Variants in CAMKMT observed in about 807,000 individuals in gnomAD.
CAMKMT encodes the protein CaM KMT.
A neutral mutation model predicts 48.0 loss-of-function variants in CAMKMT; 53 were observed. That is an observed-to-expected ratio of 1.10 (90% CI 0.89 to 1.39). The LOEUF (loss-of-function observed/expected upper bound fraction) is 1.39. CAMKMT is among the 40% of genes most tolerant of loss of function. The pLI, the probability that CAMKMT is intolerant of heterozygous loss-of-function variation, is 0.00. For missense variants in CAMKMT, 428 were observed against 402.7 expected (o/e 1.06, Z -0.54); for synonymous variants, 165 against 152.3 (o/e 1.08, Z -0.61).
At chr2:44,433,874 A>C (rs1280856052) in intron 3 of CAMKMT, among the ~76,000 whole-genome samples, 4 of 152,122 alleles carry the variant, frequency 2.6e-5, no homozygotes, top group African/African-American at 9.7e-5. Context: ...GGATCTCACC[A>C]TGCCCTTTTA....
chr2:44,538,958 CTGTGTGTGTGTGTGTGTGTGTGTG>C (rs57970764), intron 3 of CAMKMT, among the ~76,000 whole-genome samples: 1 of 140,130 alleles, frequency 7.1e-6, no homozygotes, highest in Non-Finnish European at 1.5e-5. Context: ...GTGTGTGTGT[CTGTGTGTGTGTGTGTGTGTGTGTG>C]TGTGTGTGTG....
intron 8 of CAMKMT, among the ~76,000 whole-genome samples, chr2:44,753,577 A>G (rs1363988638): frequency 1.3e-5 from 2 of 152,166 alleles, no homozygotes; most frequent in East Asian, 3.8e-4. Flanking sequence ...ATCTAACCTC[A>G]GTGCTGTTTC....
intron 3 of CAMKMT, among the ~76,000 whole-genome samples, chr2:44,667,117 G>A (rs17032502): frequency 0.027 from 4,038 of 152,256 alleles, 182 homozygotes; most frequent in African/African-American, 0.092. Flanking sequence ...AGAGACCTTT[G>A]TATCAGCTTG....
intron 3 of CAMKMT, chr2:44,456,830 C>T: frequency 4.4e-6 from 2 of 458,910 alleles, no homozygotes; most frequent in South Asian, 3.5e-5. Flanking sequence ...TTCTCCAGCC[C>T]AATTATGTTT....
chr2:44,535,494 A>T (rs960613910), intron 3 of CAMKMT, among the ~76,000 whole-genome samples: 3 of 152,174 alleles, frequency 2.0e-5, no homozygotes, highest in African/African-American at 4.8e-5. Flanking sequence ...TCTCAACAAA[A>T]TTCTAACAAA....
At chr2:44,560,118 A>G (rs931516634) in intron 3 of CAMKMT, among the ~76,000 whole-genome samples, 5 of 152,158 alleles carry the variant, frequency 3.3e-5, no homozygotes, top group East Asian at 1.9e-4. Context: ...AAATATTTGA[A>G]TAGGCTAGAG....
intron 3 of CAMKMT, among the ~76,000 whole-genome samples, chr2:44,529,267 T>C (rs1666339253): frequency 1.3e-5 from 2 of 152,192 alleles, no homozygotes. Flanking sequence ...AATACAGTTA[T>C]TATTCTACTG....
chr2:44,455,717 A>G (rs112791601), intron 3 of CAMKMT, among the ~76,000 whole-genome samples: 2,815 of 151,926 alleles, frequency 0.019, 103 homozygotes, highest in African/African-American at 0.065. Context: ...AAAAATCACA[A>G]CTCCCAGGGT....
chr2:44,364,790 G>T (rs957992042), intron 1 of CAMKMT, among the ~76,000 whole-genome samples: 6 of 152,198 alleles, frequency 3.9e-5, no homozygotes, highest in African/African-American at 1.2e-4. Flanking sequence ...TCTCTATGAT[G>T]CACATGTGGT....
At chr2:44,424,102 A>G (rs1313735517) in intron 3 of CAMKMT, among the ~76,000 whole-genome samples, 1 of 152,112 alleles carries the variant, frequency 6.6e-6, no homozygotes, top group East Asian at 1.9e-4. Flanking sequence ...TCCATCTTAC[A>G]CAGCTTTCTT....
intron 3 of CAMKMT, among the ~76,000 whole-genome samples, chr2:44,581,582 T>G (rs1669567499): frequency 6.6e-6 from 1 of 152,246 alleles, no homozygotes; most frequent in Admixed American, 6.5e-5. Context: ...TTGAGACTAT[T>G]TGAGCTATTA....
At position 44,653,526 on chromosome 2, in the gene CAMKMT, G is replaced by C. The variant is rs576037485; in HGVS notation, c.377-50757G>C. Among the ~76,000 whole-genome samples, 5 of 152,240 alleles carry C rather than the reference G, an allele frequency of 3.3e-5. No homozygotes were observed. In the South Asian group the frequency reaches 1.0e-3, roughly 32 times the overall value. On this transcript the variant is annotated intron_variant, in intron 3 of 10. Coordinates refer to ENST00000378494, the MANE Select transcript of CAMKMT (RefSeq NM_024766.5). The surrounding 1 kb of genome is among the most constrained non-coding windows in gnomAD (Gnocchi z 5.2). ...CCCAGAGCATTTGTAGCAGAGCTAGGACTAGACTTCACCTCTTTAGAGCCC... is the reference window on the plus strand; with the variant it reads ...CCCAGAGCATTTGTAGCAGAGCTAGCACTAGACTTCACCTCTTTAGAGCCC...
chr2:44,681,927 C>A (rs1275026530), intron 3 of CAMKMT, among the ~76,000 whole-genome samples: 1 of 152,128 alleles, frequency 6.6e-6, no homozygotes, highest in Non-Finnish European at 1.5e-5. Flanking sequence ...TCTTTAGAAT[C>A]GTTACTGCTA....
chr2:44,394,423 CTG>C, intron 3 of CAMKMT, among the ~76,000 whole-genome samples: 1 of 14,150 alleles, frequency 7.1e-5, no homozygotes, highest in African/African-American at 4.3e-4. Context: ...AATTCTAAGA[CTG>C]ACCAGGATTT....
At chr2:44,718,793 T>C (rs1678306157) in intron 7 of CAMKMT, among the ~76,000 whole-genome samples, 1 of 152,234 alleles carries the variant, frequency 6.6e-6, no homozygotes, top group Non-Finnish European at 1.5e-5. Flanking sequence ...GTGTGAAAGT[T>C]GCTAGTGAAT....
intron 9 of CAMKMT, among the ~76,000 whole-genome samples, chr2:44,756,741 CAAAA>C (rs772893331): frequency 2.5e-5 from 2 of 80,274 alleles, no homozygotes. Flanking sequence ...GACTCTGTCT[CAAAA>C]AAAAAAAAAA....
At chr2:44,432,415 T>A (rs1188023151) in intron 3 of CAMKMT, among the ~76,000 whole-genome samples, 1 of 152,176 alleles carries the variant, frequency 6.6e-6, no homozygotes, top group Non-Finnish European at 1.5e-5. Context: ...ACTTCCTTCA[T>A]AAACATTTGG....
In CAMKMT at chr2:44,706,279, T is replaced by G. The variant is rs1677555505; in HGVS notation, c.438-8T>G. ...TATGGGTTCTACCATTTCTTTTCTC[T>G]CTTTCAGGGCCCTTGCTGTGTGTGA... On this transcript the variant is annotated splice_region_variant and splice_polypyrimidine_tract_variant and intron_variant, in intron 4 of 10. Transcript: ENST00000378494. 6.2e-7 allele frequency: 1 copy of G among 1,613,204 alleles called. No homozygotes were observed. The highest frequency in any genetic ancestry group is 8.5e-7 in the Non-Finnish European group (1 of 1,179,448).
intron 3 of CAMKMT, among the ~76,000 whole-genome samples, chr2:44,446,108 G>A (rs377471556): frequency 2.2e-4 from 33 of 151,922 alleles, no homozygotes; most frequent in Admixed American, 7.9e-4. Flanking sequence ...TACCACACCC[G>A]GCTAATTTTT....
Sources: gnomAD v4.1 joint callset for allele counts (sites outside exome capture counted in the v4.1 genomes callset) on GRCh38, gnomAD v4.1.1 for gene constraint, Gnocchi (gnomAD v3.1) non-coding constraint, MANE v1.5 for transcripts, NCBI Gene and HGNC (gene_info 2026-07-23, HGNC 2026-07-21) for gene names.